PIP5K1B: variants seen among roughly 807,000 people sequenced by gnomAD.
PIP5K1B encodes the protein phosphatidylinositol-4-phosphate 5-kinase type 1 beta.
PIP5K1B carries 42 observed loss-of-function variants against 67.0 expected under a neutral mutation model. That is an observed-to-expected ratio of 0.63 (90% CI 0.49 to 0.81). The LOEUF is 0.81. Ranked by LOEUF, PIP5K1B falls within the 30% of genes least tolerant of loss-of-function variation. PIP5K1B has a pLI of 0.00. For synonymous variants in PIP5K1B, 214 were observed against 231.4 expected, an observed-to-expected ratio of 0.92 and a Z score of 0.68; for missense variants, 459 against 646.3, an observed-to-expected ratio of 0.71 and a Z score of 3.14.
chr9:68,931,864 AC>A (rs1340130584), intron 12 of PIP5K1B, among the ~76,000 whole-genome samples: 5 of 152,184 alleles, frequency 3.3e-5, no homozygotes, highest in Non-Finnish European at 7.3e-5. Flanking sequence ...GCAACCAGCC[AC>A]CCAAACCAGC....
At chr9:68,992,482 T>C (rs12551921) in intron 15 of PIP5K1B, among the ~76,000 whole-genome samples, 136,493 of 152,060 alleles carry the variant, frequency 0.9, 61,682 homozygotes, top group East Asian at 0.96. Flanking sequence ...CACTGTAATT[T>C]CTCACAAGTG....
At chr9:68,959,111 T>C (rs554464775) in intron 14 of PIP5K1B, among the ~76,000 whole-genome samples, 1 of 152,322 alleles carries the variant, frequency 6.6e-6, no homozygotes, top group Admixed American at 6.5e-5. Context: ...TAATGAGGAA[T>C]AAACTTTTTC....
At chr9:68,929,798 T>G (rs534253825) in intron 12 of PIP5K1B, among the ~76,000 whole-genome samples, 34 of 152,250 alleles carry the variant, frequency 2.2e-4, no homozygotes, top group Non-Finnish European at 3.5e-4. Context: ...GCCTCCAGAG[T>G]AACTGGGACC....
At chr9:68,999,396 C>T (rs1018850534) in intron 15 of PIP5K1B, among the ~76,000 whole-genome samples, 7 of 152,184 alleles carry the variant, frequency 4.6e-5, no homozygotes, top group African/African-American at 1.4e-4. Flanking sequence ...TTTTCTTGTT[C>T]ACTTCCCTTC....
chr9:68,994,787 G>A (rs1830532816), intron 15 of PIP5K1B, among the ~76,000 whole-genome samples: 1 of 152,092 alleles, frequency 6.6e-6, no homozygotes, highest in Admixed American at 6.6e-5. Flanking sequence ...GCTGGTCTCT[G>A]CCTCTCATTA....
intron 14 of PIP5K1B, among the ~76,000 whole-genome samples, chr9:68,947,415 C>T (rs1827852939): frequency 6.6e-6 from 1 of 152,194 alleles, no homozygotes; most frequent in African/African-American, 2.4e-5. Flanking sequence ...AGCTTCTGTC[C>T]TCCTGCCACC....
At chr9:68,844,256 T>C (rs1486623949) in intron 4 of PIP5K1B, among the ~76,000 whole-genome samples, 2 of 152,136 alleles carry the variant, frequency 1.3e-5, no homozygotes, top group Non-Finnish European at 2.9e-5. Flanking sequence ...CAAGGCATTG[T>C]AGTTAGATGG....
chr9:68,970,318 C>T (rs887432376), intron 14 of PIP5K1B, among the ~76,000 whole-genome samples: 1 of 152,200 alleles, frequency 6.6e-6, no homozygotes, highest in Admixed American at 6.5e-5. Flanking sequence ...TACATGTTGT[C>T]AAGACCAGGC....
chr9:68,906,797 A>G (rs1286664242), intron 8 of PIP5K1B, among the ~76,000 whole-genome samples: 1 of 152,200 alleles, frequency 6.6e-6, no homozygotes, highest in African/African-American at 2.4e-5. Context: ...CGACCAACTC[A>G]GTGTTTGCTG....
intron 1 of PIP5K1B, among the ~76,000 whole-genome samples, chr9:68,724,022 T>C (rs893780757): frequency 1.3e-5 from 2 of 152,162 alleles, no homozygotes; most frequent in Non-Finnish European, 2.9e-5. Context: ...TTTAAGTCTT[T>C]AATGCATTTT....
At chr9:68,713,481 C>A (rs969024040) in intron 1 of PIP5K1B, among the ~76,000 whole-genome samples, 2 of 152,098 alleles carry the variant, frequency 1.3e-5, no homozygotes, top group African/African-American at 4.8e-5. Flanking sequence ...TGCTGCATAC[C>A]CAATATTGCC....
chr9:68,862,398 T>A (rs949946891), intron 4 of PIP5K1B, among the ~76,000 whole-genome samples: 1 of 152,112 alleles, frequency 6.6e-6, no homozygotes, highest in African/African-American at 2.4e-5. Flanking sequence ...CCAGGGCAAT[T>A]AAGGAGACCT....
intron 4 of PIP5K1B, among the ~76,000 whole-genome samples, chr9:68,835,432 T>G (rs1383234617): frequency 6.6e-6 from 1 of 152,230 alleles, no homozygotes; most frequent in African/African-American, 2.4e-5. Flanking sequence ...GCTTGAGTAT[T>G]AAATCTAACA....
intron 4 of PIP5K1B, among the ~76,000 whole-genome samples, chr9:68,857,193 G>A (rs1282949803): frequency 2.0e-5 from 3 of 152,194 alleles, no homozygotes; most frequent in African/African-American, 7.2e-5. Context: ...TAGGACTTCT[G>A]ACCTCCAGAA....
At chr9:68,814,920 A>G (rs971250262) in intron 2 of PIP5K1B, among the ~76,000 whole-genome samples, 1 of 152,226 alleles carries the variant, frequency 6.6e-6, no homozygotes, top group Non-Finnish European at 1.5e-5. Flanking sequence ...AAAAACACAG[A>G]ATCTGCATTT....
chr9:68,719,271 C>T (rs1177118858), intron 1 of PIP5K1B, among the ~76,000 whole-genome samples: 1 of 152,084 alleles, frequency 6.6e-6, no homozygotes, highest in Non-Finnish European at 1.5e-5. Flanking sequence ...AACATAGTGG[C>T]AATTGATGAG....
At chr9:68,883,415 G>C (rs1017626885) in intron 6 of PIP5K1B, among the ~76,000 whole-genome samples, 1 of 152,248 alleles carries the variant, frequency 6.6e-6, no homozygotes, top group Admixed American at 6.5e-5. Context: ...AAGGCTAACA[G>C]AAAGAAGGGG....
Position 68,960,515 on chromosome 9 carries a change from T to C in PIP5K1B, c.1502+19725T>C, listed in dbSNP as rs1180917361. 2.0e-5 allele frequency among the ~76,000 whole-genome samples: 3 copies of C among 152,154 alleles called. No individual in the cohort carries two copies. In the East Asian group the frequency reaches 5.8e-4, roughly 29 times the overall value. On this transcript the variant is annotated intron_variant, in intron 14 of 15. Transcript: ENST00000265382. The stretch of plus-strand genomic sequence containing the variant: ...CTGTTTTTTCTTTTCTCTGTGTATC[T>C]CCTCATTTGAAAATTGAAGCCGCTA...
intron 2 of PIP5K1B, among the ~76,000 whole-genome samples, chr9:68,749,576 A>G (rs961834569): frequency 6.6e-6 from 1 of 152,222 alleles, no homozygotes; most frequent in African/African-American, 2.4e-5. Flanking sequence ...ATAAGGTAAC[A>G]TGACCACCTG....
Sources: allele counts gnomAD v4.1 joint callset (sites outside exome capture counted in the v4.1 genomes callset), GRCh38; gene constraint gnomAD v4.1.1; transcripts MANE v1.5; gene names NCBI Gene and HGNC (gene_info 2026-07-23, HGNC 2026-07-21).